The following SLC9A9 variants were observed in gnomAD, a reference collection of about 807,000 sequenced individuals.
SLC9A9 encodes the protein sodium/hydrogen exchanger 9.
In SLC9A9, 62 loss-of-function variants were observed where a neutral mutation model predicts 77.8. The ratio of observed to expected loss-of-function variants is 0.80; its 90% CI spans 0.65 to 0.98. The LOEUF (loss-of-function observed/expected upper bound fraction) is 0.98, where lower values mean the gene tolerates loss of function less well. Ranked by LOEUF, SLC9A9 falls within the 50% of genes least tolerant of loss-of-function variation. The pLI is 0.00. For synonymous variants in SLC9A9, 320 were observed against 283.5 expected (o/e 1.13, Z -1.29); for missense variants, 775 against 774.9 (o/e 1.00, Z 0.00).
intron 2 of SLC9A9, among the ~76,000 whole-genome samples, chr3:143,809,811 A>G (rs1367701412): frequency 6.6e-6 from 1 of 152,250 alleles, no homozygotes; most frequent in African/African-American, 2.4e-5. Context: ...CACTAGCCAC[A>G]TGAGCCATTG....
chr3:143,494,782 A>G (rs2035805662), intron 10 of SLC9A9, among the ~76,000 whole-genome samples: 2 of 152,228 alleles, frequency 1.3e-5, no homozygotes, highest in Non-Finnish European at 1.5e-5. Context: ...CTGTCTTCAT[A>G]GGAAAGGAAG....
rs114685753 is a variant in SLC9A9 at position 143,839,225 on chromosome 3, A to G, written c.176-7004T>C. On this transcript the variant is annotated intron_variant, in intron 1 of 15. Transcript: ENST00000316549. ...CTAAAAAGTCACAATTTATTGCTCC[A>G]TACTAGCTCACCATCAACTTGTTTT... is the stretch of plus-strand genomic sequence containing the variant. 3.7e-3 allele frequency among the ~76,000 whole-genome samples: 567 copies of G among 152,300 alleles called. 5 individuals are homozygous for G. The highest frequency in any genetic ancestry group is 0.013 in the African/African-American group (544 of 41,546).
Position 143,534,868 on chromosome 3 carries a change from C to T in SLC9A9, c.1089+17494G>A, listed in dbSNP as rs1022046593. Among the ~76,000 whole-genome samples the T allele has an allele frequency of 5.3e-5, 8 of 151,400 alleles. No homozygotes were observed. The South Asian group carries it at 1.3e-3, about 24-fold the overall frequency. ...TTACTGAAGTCATTGGGAAACTATA[C>T]ACCTAACATTTTGCTTTAGAAAAAA... On this transcript the variant is annotated intron_variant, in intron 9 of 15. Coordinates refer to ENST00000316549, the MANE Select transcript of SLC9A9 (RefSeq NM_173653.4).
At chr3:143,675,056 T>G (rs1354274070) in intron 5 of SLC9A9, among the ~76,000 whole-genome samples, 1 of 152,206 alleles carries the variant, frequency 6.6e-6, no homozygotes, top group Non-Finnish European at 1.5e-5. Context: ...ATTAGTACTT[T>G]CAGACTCTCC....
At chr3:143,630,367 C>G (rs1242142319) in intron 6 of SLC9A9, among the ~76,000 whole-genome samples, 3 of 152,184 alleles carry the variant, frequency 2.0e-5, no homozygotes, top group Non-Finnish European at 4.4e-5. Flanking sequence ...GCAATGTAAC[C>G]ACCTTCTAGG....
intron 14 of SLC9A9, among the ~76,000 whole-genome samples, chr3:143,345,069 A>G (rs909368668): frequency 2.6e-5 from 4 of 152,178 alleles, no homozygotes; most frequent in Non-Finnish European, 5.9e-5. Flanking sequence ...CTGAACATGG[A>G]TTAGGTTTGG....
At chr3:143,673,703 T>C (rs2039193676) in intron 5 of SLC9A9, among the ~76,000 whole-genome samples, 1 of 151,926 alleles carries the variant, frequency 6.6e-6, no homozygotes, top group Non-Finnish European at 1.5e-5. Context: ...CAGAGACTAG[T>C]AGAAAAGACT....
At chr3:143,655,559 C>G in intron 5 of SLC9A9, 1 of 985,332 alleles carries the variant, frequency 1.0e-6, no homozygotes, top group Middle Eastern at 5.2e-4. Context: ...GTTCCTTCTC[C>G]TCTACATACC....
intron 14 of SLC9A9, among the ~76,000 whole-genome samples, chr3:143,335,061 C>T (rs2031883772): frequency 6.6e-6 from 1 of 151,780 alleles, no homozygotes; most frequent in South Asian, 2.1e-4. Flanking sequence ...AAGGATTCCA[C>T]AAAAAATCTG....
At chr3:143,495,499 T>G (rs754865453) in intron 9 of SLC9A9, 51 bp from the exon 10 acceptor site, 3 of 1,355,558 alleles carry the variant, frequency 2.2e-6, no homozygotes. Context: ...CAGGTTTGAG[T>G]GCACTTACTT....
intron 6 of SLC9A9, among the ~76,000 whole-genome samples, chr3:143,646,157 T>TTTGGTAAATATA (rs2038703924): frequency 6.6e-6 from 1 of 152,026 alleles, no homozygotes; most frequent in Non-Finnish European, 1.5e-5. Context: ...GTTTGCTCTA[T>TTTGGTAAATATA]TTTGGTAAAT....
chr3:143,397,425 T>C (rs1190558344), intron 12 of SLC9A9, among the ~76,000 whole-genome samples: 2 of 152,174 alleles, frequency 1.3e-5, no homozygotes, highest in African/African-American at 4.8e-5. Flanking sequence ...TATCACGGAA[T>C]ATGAAGTAGT....
intron 8 of SLC9A9, among the ~76,000 whole-genome samples, chr3:143,565,714 G>T (rs867717423): frequency 0.02 from 2,970 of 146,296 alleles, 98 homozygotes; most frequent in African/African-American, 0.071. Flanking sequence ...TCAGGGTTTT[G>T]TTTTTTTTTT....
intron 12 of SLC9A9, among the ~76,000 whole-genome samples, chr3:143,453,752 T>C (rs1302546133): frequency 6.6e-6 from 1 of 151,836 alleles, no homozygotes; most frequent in Non-Finnish European, 1.5e-5. Flanking sequence ...ATGCTGTTAT[T>C]ACCCCCATTC....
chr3:143,735,586 A>C (rs1934920844), intron 4 of SLC9A9, among the ~76,000 whole-genome samples: 1 of 152,238 alleles, frequency 6.6e-6, no homozygotes, highest in African/African-American at 2.4e-5. Context: ...AAATGAATGA[A>C]GCAATGAGCC....
Position 143,841,754 on chromosome 3 carries a change from C to CTTTTCTTTTTTTTTTCTT in SLC9A9, c.175+6393_175+6394insAAGAAAAAAAAAAGAAAA, listed in dbSNP as rs55981223. 9.6e-4 allele frequency among the ~76,000 whole-genome samples: 143 copies of CTTTTCTTTTTTTTTTCTT among 149,428 alleles called. 1 individual carries two copies. Among genetic ancestry groups the CTTTTCTTTTTTTTTTCTT allele is most frequent in the Middle Eastern group, 3.4e-3 (1 of 290 alleles). ...TTTACTTATCCAAAATATAGAGGCT[C>CTTTTCTTTTTTTTTTCTT]TTTTCTTTATTTTTCTTTTTTGATA... On this transcript the variant is annotated intron_variant, in intron 1 of 15. Coordinates refer to ENST00000316549, the MANE Select transcript of SLC9A9 (RefSeq NM_173653.4).
intron 12 of SLC9A9, among the ~76,000 whole-genome samples, chr3:143,439,340 C>G (rs2034682326): frequency 6.6e-6 from 1 of 152,214 alleles, no homozygotes; most frequent in Non-Finnish European, 1.5e-5. Context: ...CTTAGACTGC[C>G]TCTGAGCCGG....
chr3:143,267,057 G>A (rs1378839418), intron 15 of SLC9A9, 128 bp from the exon 16 acceptor site: 1 of 836,582 alleles, frequency 1.2e-6, no homozygotes, highest in East Asian at 2.7e-5. Flanking sequence ...GTCTGGCCTT[G>A]GCTGATGTTT....
intron 7 of SLC9A9, among the ~76,000 whole-genome samples, chr3:143,575,099 T>G (rs564559122): frequency 1.3e-5 from 2 of 152,242 alleles, no homozygotes; most frequent in Admixed American, 6.5e-5. Flanking sequence ...TTCTTGACTC[T>G]GCCAGTGACT....
Sources: allele counts gnomAD v4.1 joint callset (sites outside exome capture counted in the v4.1 genomes callset), GRCh38; gene constraint gnomAD v4.1.1; transcripts MANE v1.5; gene names NCBI Gene and HGNC (gene_info 2026-07-23, HGNC 2026-07-21).